The following LRP2BP variants were observed in gnomAD, a reference collection of about 807,000 sequenced individuals.
LRP2BP encodes LRP2-binding protein.
LRP2BP carries 38 observed loss-of-function variants against 45.2 expected under a neutral mutation model. The ratio of observed to expected loss-of-function variants is 0.84; its 90% CI spans 0.65 to 1.10. The LOEUF is 1.10. Ranked by LOEUF, LRP2BP falls within the 50% of genes least tolerant of loss-of-function variation. The pLI is 0.00. For synonymous variants in LRP2BP, 153 were observed against 153.9 expected, an observed-to-expected ratio of 0.99 and a Z score of 0.04; for missense variants, 385 against 418.9, an observed-to-expected ratio of 0.92 and a Z score of 0.71.
At chr4:185,379,780 A>G (rs2126817850) in intron 1 of LRP2BP, among the ~76,000 whole-genome samples, 1 of 152,210 alleles carries the variant, frequency 6.6e-6, no homozygotes, top group African/African-American at 2.4e-5. Flanking sequence ...ACAGGTAAGC[A>G]GAACAGCTGG....
At chr4:185,386,809 G>T (rs892777702) in intron 1 of LRP2BP, among the ~76,000 whole-genome samples, 1 of 152,192 alleles carries the variant, frequency 6.6e-6, no homozygotes. Context: ...GTGGTGACAA[G>T]CTGAGGCACC....
At chr4:185,394,523 T>A (rs2126857973) in intron 1 of LRP2BP, among the ~76,000 whole-genome samples, 1 of 152,340 alleles carries the variant, frequency 6.6e-6, no homozygotes, top group Admixed American at 6.5e-5. Flanking sequence ...AAGTGCTCAA[T>A]TAATGTCAAT....
chr4:185,381,159 C>A (rs1380250513), intron 1 of LRP2BP, among the ~76,000 whole-genome samples: 1 of 152,008 alleles, frequency 6.6e-6, no homozygotes, highest in Non-Finnish European at 1.5e-5. Flanking sequence ...GTTACTTTTT[C>A]TTGTTTTTTA....
rs74405242 is a variant in LRP2BP, at chr4:185,372,737, C to T, written c.803+119G>A. On this transcript the variant is annotated intron_variant, in intron 7 of 8. Coordinates refer to ENST00000505916, the MANE Select transcript of LRP2BP (RefSeq NM_001377440.1). ...CGTGAGGACATGATGGTCCTCCCCT[C>T]TGGAGGTTGCAGCCCTCTCCTGGCC... 1.2e-3 allele frequency: 932 copies of T among 761,244 alleles called. 9 individuals carry two copies. In the African/African-American group the frequency reaches 0.015, roughly 12 times the overall value. The allele number at this position is 761,244 out of a possible 1,614,324, so 47.2% of individuals were successfully genotyped here. A position where few individuals can be genotyped will look rare whatever the true frequency, so the allele number is the denominator to read the frequency against.
intron 1 of LRP2BP, among the ~76,000 whole-genome samples, chr4:185,391,624 G>C (rs1269682604): frequency 6.6e-6 from 1 of 152,094 alleles, no homozygotes; most frequent in Non-Finnish European, 1.5e-5. Context: ...AGCTCTTTCA[G>C]GTTAGCTCCT....
At position 185,395,418 on chromosome 4, in the gene LRP2BP, T is replaced by C. The variant is rs2126860624; in HGVS notation, c.-661A>G. ...TGTGCAAACCTGAAGCTTCAACACG[T>C]GTTTTAAAAAGCAGTGCTTATTGAA... On this transcript the variant is annotated 5_prime_UTR_variant, in exon 1 of 9. Transcript: ENST00000505916. 1.0e-6 allele frequency: 1 copy of C among 985,446 alleles called. No homozygotes were observed. Among genetic ancestry groups the C allele is most frequent in the Non-Finnish European group, 1.2e-6 (1 of 829,928 alleles). 61.0% of individuals were successfully genotyped at this position (985,446 alleles called of 1,614,324 possible).
rs1031471934 is a variant in LRP2BP, at chr4:185,365,108, G to A, written c.*2072C>T. 1.3e-5 allele frequency: 2 copies of A among 152,070 alleles called. No individual in the cohort carries two copies. The highest frequency in any genetic ancestry group is 4.8e-5 in the African/African-American group (2 of 41,390). 9.4% of individuals were successfully genotyped at this position (152,070 alleles called of 1,614,324 possible). ...ACTCACCGCAGTCTCAGGTCAAGGG[G>A]TTTACTACTGTCCTCAGCAGTGGTA... On this transcript the variant is annotated 3_prime_UTR_variant, in exon 9 of 9. Coordinates refer to ENST00000505916, the MANE Select transcript of LRP2BP (RefSeq NM_001377440.1).
At chr4:185,390,764 T>A (rs1349928862) in intron 1 of LRP2BP, 3 of 152,304 alleles carry the variant, frequency 2.0e-5, no homozygotes, top group Non-Finnish European at 4.4e-5. Context: ...GCTGCCACTG[T>A]GAGAGCTTTA....
chr4:185,397,250 T>G (rs767342230), upstream of LRP2BP: 1 of 1,614,142 alleles, frequency 6.2e-7, no homozygotes, highest in East Asian at 2.2e-5. Flanking sequence ...GGAAGCGGCC[T>G]TGCTTGCTTT....
chr4:185,391,366 C>T (rs1026700869), intron 1 of LRP2BP, among the ~76,000 whole-genome samples: 1 of 152,174 alleles, frequency 6.6e-6, no homozygotes, highest in Non-Finnish European at 1.5e-5. Flanking sequence ...CCATACTCTA[C>T]TTTTTGGAAG....
intron 1 of LRP2BP, among the ~76,000 whole-genome samples, chr4:185,379,671 C>A (rs1032722617): frequency 6.6e-6 from 1 of 152,076 alleles, no homozygotes. Context: ...CAAAACTTTA[C>A]GAAATAAGGT....
intron 2 of LRP2BP, 57 bp downstream of exon 2, chr4:185,378,023 AT>A: frequency 1.5e-6 from 2 of 1,354,860 alleles, no homozygotes; most frequent in African/African-American, 2.9e-5. Flanking sequence ...TTGCTCTAGC[AT>A]GCAAAATGAA....
intron 4 of LRP2BP, 120 bp downstream of exon 4, chr4:185,375,493 T>TATATATAC (rs2095432120): frequency 2.5e-5 from 1 of 39,964 alleles, no homozygotes; most frequent in East Asian, 8.3e-4. Flanking sequence ...AAAAAATATA[T>TATATATAC]ATATATATAT....
intron 1 of LRP2BP, among the ~76,000 whole-genome samples, chr4:185,390,120 T>C (rs894729481): frequency 1.3e-5 from 2 of 152,242 alleles, no homozygotes; most frequent in African/African-American, 4.8e-5. Flanking sequence ...TATTCTCATC[T>C]ACTTCGAAAC....
chr4:185,374,392 C>T lies in LRP2BP; in HGVS notation c.400G>A (p.Ala134Thr). Residue 134 changes from alanine to threonine, a missense_variant, in exon 5 of 9, where the codon GCA becomes ACA. Transcript: ENST00000505916. Reference protein sequence around the residue: ...PCPKARHLKFAAAYNLGRAYY... With the variant: ...PCPKARHLKFTAAYNLGRAYY... ...GCTCTTCCGAGGTTGTAAGCAGCTG[C>T]AAATTTTAAGTGTCTTGCTTTGGGA... is the stretch of plus-strand genomic sequence containing the variant. 1.9e-6 allele frequency: 3 copies of T among 1,614,126 alleles called. No individual in the cohort carries two copies. Among genetic ancestry groups the T allele is most frequent in the Non-Finnish European group, 2.5e-6 (3 of 1,180,012 alleles).
intron 1 of LRP2BP, among the ~76,000 whole-genome samples, chr4:185,386,329 C>G (rs2095471802): frequency 6.6e-6 from 1 of 152,070 alleles, no homozygotes; most frequent in South Asian, 2.1e-4. Flanking sequence ...TCTTTCATAG[C>G]CAGTGAGAAA....
intron 1 of LRP2BP, chr4:185,378,621 A>G (rs2095446190): frequency 1.0e-6 from 1 of 989,790 alleles, no homozygotes; most frequent in African/African-American, 1.7e-5. Flanking sequence ...TCCATTTCAA[A>G]TTAAAGCACT....
At chr4:185,384,934 G>A (rs944569174) in intron 1 of LRP2BP, among the ~76,000 whole-genome samples, 37 of 113,190 alleles carry the variant, frequency 3.3e-4, no homozygotes, top group Middle Eastern at 6.0e-3. Flanking sequence ...AGCTAGGTCC[G>A]TTTGTGTGTT....
intron 1 of LRP2BP, among the ~76,000 whole-genome samples, chr4:185,383,317 T>G (rs1047638440): frequency 6.6e-6 from 1 of 151,794 alleles, no homozygotes; most frequent in Non-Finnish European, 1.5e-5. Context: ...CCAAAAAAAT[T>G]AAAAATAAAA....
Sources: allele counts gnomAD v4.1 joint callset (sites outside exome capture counted in the v4.1 genomes callset), GRCh38; gene constraint gnomAD v4.1.1; transcripts MANE v1.5; gene names NCBI Gene and HGNC (gene_info 2026-07-23, HGNC 2026-07-21).